ZNF829: variants seen among roughly 807,000 people sequenced by gnomAD.
ZNF829 encodes the protein zinc finger protein 829.
A neutral mutation model predicts 35.2 loss-of-function variants in ZNF829; 25 were observed. That is an observed-to-expected ratio of 0.71 (90% CI 0.52 to 0.99). The LOEUF is 0.99. ZNF829 is among the 50% of genes least tolerant of loss of function. The pLI is 0.00. For synonymous variants in ZNF829, 136 were observed against 163.2 expected, an observed-to-expected ratio of 0.83 and a Z score of 1.27; for missense variants, 417 against 515.3, an observed-to-expected ratio of 0.81 and a Z score of 1.85.
rs2146224901 is a variant in ZNF829 at position 36,892,449 on chromosome 19, G to A, written c.342C>T (p.Thr114=). The A allele has an allele frequency of 6.3e-7, 1 of 1,592,610 alleles. No homozygotes were observed. The change falls in exon 6 of 6, where the codon ACC becomes ACT. Residue 114 remains threonine (T), a synonymous_variant. Transcript: ENST00000391711. ...GTCTCTTCTTTAGAGATAATATTTTGGTCTCACACATTGATTCCAGATCTG... is the reference window on the plus strand; with the variant it reads ...GTCTCTTCTTTAGAGATAATATTTTAGTCTCACACATTGATTCCAGATCTG... ...LCSDLESMCE[T]KILSLKKRHF...
chr19:36,895,188 A>C (rs552784841), intron 5 of ZNF829, among the ~76,000 whole-genome samples: 34 of 152,324 alleles, frequency 2.2e-4, no homozygotes, highest in African/African-American at 8.2e-4. Context: ...TGCTAAAAAA[A>C]CACTGTCAGC....
chr19:36,897,775 A>G (rs1195520475), intron 5 of ZNF829, among the ~76,000 whole-genome samples: 1 of 152,254 alleles, frequency 6.6e-6, no homozygotes, highest in Non-Finnish European at 1.5e-5. Flanking sequence ...TACAGATGAC[A>G]TGATCTTACA....
At chr19:36,902,372 C>T (rs1407056606) in intron 5 of ZNF829, among the ~76,000 whole-genome samples, 2 of 152,152 alleles carry the variant, frequency 1.3e-5, no homozygotes, top group East Asian at 1.9e-4. Flanking sequence ...CTGTGGCTCA[C>T]GCCTGTAATC....
At chr19:36,905,217 G>C (rs1259504945) in intron 5 of ZNF829, among the ~76,000 whole-genome samples, 1 of 151,996 alleles carries the variant, frequency 6.6e-6, no homozygotes, top group Non-Finnish European at 1.5e-5. Context: ...CAATGTTCTA[G>C]CTCCTACATT....
At position 36,916,128 on chromosome 19, in the gene ZNF829, T is replaced by C; in HGVS notation, c.-202A>G. On this transcript the variant is annotated 5_prime_UTR_variant, in exon 1 of 6. Transcript: ENST00000391711. The surrounding 1 kb of genome is among the most constrained non-coding windows in gnomAD (Gnocchi z 5.3). ...CCAGAGCGGGACCCACGCCGATTCC[T>C]GTCAGCTCCTCGCCTGGGCCCACCC... 1 of 550,580 alleles carries C rather than the reference T, an allele frequency of 1.8e-6. No homozygotes were observed. Among genetic ancestry groups the C allele is most frequent in the Non-Finnish European group, 3.2e-6 (1 of 315,190 alleles). The allele number at this position is 550,580 out of a possible 1,614,324, so 34.1% of individuals were successfully genotyped here. A position where few individuals can be genotyped will look rare whatever the true frequency, so the allele number is the denominator to read the frequency against.
At chr19:36,912,965 C>G (rs1309748775) in intron 3 of ZNF829, 2 of 152,244 alleles carry the variant, frequency 1.3e-5, no homozygotes, top group Non-Finnish European at 2.9e-5. Context: ...CCATTGTGCT[C>G]CAGCCTGGGA....
At position 36,891,517 on chromosome 19, in the gene ZNF829, C is replaced by T; in HGVS notation, c.1274G>A (p.Arg425His). The T allele has an allele frequency of 3.8e-6, 6 of 1,570,668 alleles. No individual in the cohort carries two copies. The highest frequency in any genetic ancestry group is 4.3e-6 in the Non-Finnish European group (5 of 1,162,442). The change falls in exon 6 of 6, where the codon CGC becomes CAC. Residue 425 changes from arginine (R) to histidine (H), a missense_variant. By Grantham distance (29) the Arg-to-His change is conservative. Transcript: ENST00000391711. ...KAFGSRSDLI[R>H]HEGIHTG ...TCAACCAGTATGAATTCCCTCATGG[C>T]GAATGAGGTCAGAGCGACTACCAAA...
At position 36,889,240 on chromosome 19, in the gene ZNF829, T is replaced by A. The variant is rs186984525; in HGVS notation, c.*2252A>T. ...TTTTTGTGTCTATTTTCATCAGGGA[T>A]ATTGGCTTGTAGTTTTTTTGTGTGT... On this transcript the variant is annotated 3_prime_UTR_variant, in exon 6 of 6. Transcript: ENST00000391711. 6.6e-6 allele frequency: 1 copy of A among 152,296 alleles called. No homozygotes were observed. Among genetic ancestry groups the A allele is most frequent in the African/African-American group, 2.4e-5 (1 of 41,566 alleles). The allele number at this position is 152,296 out of a possible 1,614,324, so 9.4% of individuals were successfully genotyped here. A position where few individuals can be genotyped will look rare whatever the true frequency, so the allele number is the denominator to read the frequency against.
rs567646488 is a variant in ZNF829, at chr19:36,892,275, G to A, written c.516C>T (p.Ile172=). ...CACCAAAATGAATTCTCTGATGTTG[G>A]ATAAATTGTGAGTTTTGATTAAAGG... ...GKTFNQNSQF[I]QHQRIHFGEK... Residue 172 remains isoleucine, a synonymous_variant, in exon 6 of 6, where the codon ATC becomes ATT. Transcript: ENST00000391711. The A allele has an allele frequency of 5.0e-6, 8 of 1,613,888 alleles. No individual in the cohort carries two copies. The highest frequency in any genetic ancestry group is 3.3e-5 in the South Asian group (3 of 91,080).
At chr19:36,907,116 T>A (rs2073224408) in intron 5 of ZNF829, 1 of 6,234 alleles carries the variant, frequency 1.6e-4, no homozygotes, top group African/African-American at 4.7e-4. Flanking sequence ...AAAAAATGTA[T>A]ATATATATAT....
chr19:36,901,179 G>T (rs2073162526), intron 5 of ZNF829, among the ~76,000 whole-genome samples: 1 of 152,178 alleles, frequency 6.6e-6, no homozygotes, highest in African/African-American at 2.4e-5. Context: ...ATAGTATTTG[G>T]CAATAAAAAG....
At chr19:36,915,883 C>G in intron 1 of ZNF829, 128 bp downstream of exon 1, 1 of 1,536,122 alleles carries the variant, frequency 6.5e-7, no homozygotes, top group Non-Finnish European at 8.7e-7. Flanking sequence ...TCAGGCCGCT[C>G]CGCCCGCAGG....
chr19:36,915,006 C>T lies in ZNF829; in HGVS notation c.55G>A (p.Glu19Lys), dbSNP rs763772841. ...AGAAGTTCATCATGCATTCTTTCCT[C>T]CTCTTCTGGGTGACACCTGGAGAAA... ...IPHVWCHPEE[E>K]ERMHDELLQA... Residue 19 changes from glutamate (E) to lysine (K), a missense_variant, in exon 3 of 6, where the codon GAG becomes AAG. Glu to Lys is a moderately conservative substitution (Grantham distance 56, BLOSUM62 1). Transcript: ENST00000391711. The T allele has an allele frequency of 1.2e-6, 2 of 1,614,164 alleles. No homozygotes were observed. Among genetic ancestry groups the T allele is most frequent in the African/African-American group, 1.3e-5 (1 of 75,036 alleles).
intron 5 of ZNF829, among the ~76,000 whole-genome samples, chr19:36,894,986 G>A (rs1279440375): frequency 1.3e-5 from 2 of 151,970 alleles, no homozygotes; most frequent in African/African-American, 2.4e-5. Context: ...GGTTTTCCAA[G>A]GCCCATTACA....
chr19:36,905,269 G>A (rs1372978236), intron 5 of ZNF829, among the ~76,000 whole-genome samples: 2 of 151,950 alleles, frequency 1.3e-5, no homozygotes, highest in Non-Finnish European at 2.9e-5. Context: ...TTTCTAAACT[G>A]TACAGCACCT....
chr19:36,900,678 T>C (rs1038346786), intron 5 of ZNF829, among the ~76,000 whole-genome samples: 6 of 151,758 alleles, frequency 4.0e-5, no homozygotes, highest in Non-Finnish European at 5.9e-5. Context: ...TGAAACCTCA[T>C]CTCTACTAAA....
Position 36,891,382 on chromosome 19 carries a change from A to C in ZNF829, c.*110T>G. ...GGTACTTTGTTATCGTATCGTTTAA[A>C]AACGAATACATAGGAGAACCTTTGA... On this transcript the variant is annotated 3_prime_UTR_variant, in exon 6 of 6. Coordinates refer to ENST00000391711, the MANE Select transcript of ZNF829 (RefSeq NM_001037232.4). 8.5e-7 allele frequency: 1 copy of C among 1,171,076 alleles called. No homozygotes were observed. The highest frequency in any genetic ancestry group is 1.2e-6 in the Non-Finnish European group (1 of 867,926). The allele number at this position is 1,171,076 out of a possible 1,614,324, so 72.5% of individuals were successfully genotyped here.
rs752088177 is a variant in ZNF829 at position 36,891,934 on chromosome 19, T to C, written c.857A>G (p.His286Arg). ...AFTKSSQLFL[H>R]LRIHTGEKPY... ...TTTCTCACCAGTATGAATTCTCAGA[T>C]GTAGAAAAAGTTGTGAACTTTTAGT... The change falls in exon 6 of 6, where the codon CAT becomes CGT. Residue 286 changes from histidine to arginine, a missense_variant. Transcript: ENST00000391711. The C allele has an allele frequency of 6.2e-7, 1 of 1,614,048 alleles. No homozygotes were observed. Among genetic ancestry groups the C allele is most frequent in the Non-Finnish European group, 8.5e-7 (1 of 1,179,986 alleles).
At chr19:36,911,174 G>A (rs2073261271) in intron 3 of ZNF829, among the ~76,000 whole-genome samples, 1 of 151,948 alleles carries the variant, frequency 6.6e-6, no homozygotes, top group Non-Finnish European at 1.5e-5. Context: ...TTAGACTTGT[G>A]GCTGGTGTCT....
Sources: gnomAD v4.1 joint callset for allele counts (sites outside exome capture counted in the v4.1 genomes callset) on GRCh38, gnomAD v4.1.1 for gene constraint, Gnocchi (gnomAD v3.1) non-coding constraint, MANE v1.5 for transcripts, NCBI Gene and HGNC (gene_info 2026-07-23, HGNC 2026-07-21) for gene names.